ITPR2: variants seen among roughly 807,000 people sequenced by gnomAD.
ITPR2 encodes inositol 1,4,5-trisphosphate-gated calcium channel ITPR2.
A neutral mutation model predicts 317.1 loss-of-function variants in ITPR2; 207 were observed. The observed-to-expected ratio is 0.65, with a 90% confidence interval of 0.58 to 0.73. The LOEUF (loss-of-function observed/expected upper bound fraction) is 0.73, where lower values mean the gene tolerates loss of function less well. Ranked by LOEUF, ITPR2 falls within the 30% of genes least tolerant of loss-of-function variation. The pLI is 0.00. For missense variants in ITPR2, 2,613 were observed against 3,284.0 expected (o/e 0.80, Z 4.99); for synonymous variants, 1,156 against 1,149.1 (o/e 1.01, Z -0.12).
At position 26,655,866 on chromosome 12, in the gene ITPR2, A is replaced by AAGAAG. The variant is rs1565669635; in HGVS notation, c.2445-19_2445-15dup. The AAGAAG allele has an allele frequency of 1.9e-6, 3 of 1,601,474 alleles. No homozygotes were observed. Among genetic ancestry groups the AAGAAG allele is most frequent in the Non-Finnish European group, 2.6e-6 (3 of 1,174,590 alleles). On this transcript the variant is annotated splice_polypyrimidine_tract_variant and intron_variant, in intron 19 of 56. Transcript: ENST00000381340. The stretch of plus-strand genomic sequence containing the variant: ...ATAGAATCATATCTGGAAATAGAGA[A>AAGAAG]AGAAGATAACGCAAGTTAAACTGAT...
intron 2 of ITPR2, among the ~76,000 whole-genome samples, chr12:26,781,992 G>GTATATATATATATA (rs1161714052): frequency 2.6e-4 from 15 of 56,996 alleles, no homozygotes; most frequent in Non-Finnish European, 4.2e-4. Context: ...AAACTCCCCT[G>GTATATATATATATA]TATATATATA....
rs531851413 is a variant in ITPR2 at position 26,474,352 on chromosome 12, C to A, written c.6342+944G>T. On this transcript the variant is annotated intron_variant, in intron 45 of 56. Coordinates refer to ENST00000381340, the MANE Select transcript of ITPR2 (RefSeq NM_002223.4). Reference sequence around the variant, plus strand: ...GCTATCATAGACAAAATCAAATTGGCAAATGCACATTTAAAATGTTTAACT... The same window carrying A: ...GCTATCATAGACAAAATCAAATTGGAAAATGCACATTTAAAATGTTTAACT... 4.1e-4 allele frequency among the ~76,000 whole-genome samples: 63 copies of A among 152,282 alleles called. No individual in the cohort carries two copies. In the South Asian group the frequency reaches 4.8e-3, roughly 12 times the overall value.
rs775756580 is a variant in ITPR2 at position 26,424,586 on chromosome 12, G to GTTTTTT, written c.6945+3321_6945+3326dup. Among the ~76,000 whole-genome samples, 90 of 88,702 alleles carry GTTTTTT rather than the reference G, an allele frequency of 1.0e-3. 5 individuals carry two copies. The highest frequency in any genetic ancestry group is 1.7e-3 in the East Asian group (5 of 2,922). 58.2% of individuals were successfully genotyped at this position (88,702 alleles called of 152,430 possible). The stretch of plus-strand genomic sequence containing the variant: ...TTTTTGGTTTTTGTTTTCGTTTTGT[G>GTTTTTT]TTTTTTTTTTTTTTTTTTTTTGAGA... On this transcript the variant is annotated intron_variant, in intron 49 of 56. Transcript: ENST00000381340.
intron 37 of ITPR2, among the ~76,000 whole-genome samples, chr12:26,548,232 G>A (rs1765801824): frequency 6.6e-6 from 1 of 152,188 alleles, no homozygotes; most frequent in African/African-American, 2.4e-5. Flanking sequence ...GTGGCATTGA[G>A]GCTTGATTGG....
At chr12:26,830,016 G>A (rs11048698) in intron 1 of ITPR2, among the ~76,000 whole-genome samples, 24,390 of 152,172 alleles carry the variant, frequency 0.16, 2,307 homozygotes, top group East Asian at 0.22. Flanking sequence ...TGATTCTCCT[G>A]CCTCAGCCTC....
rs7956344 is a variant in ITPR2, at chr12:26,390,619, A to T, written c.7697-3025T>A. ...AGGGATCAGATGATGGCTAAAGGGT[A>T]TGGGGTTTCTTTCTGGGACAATGAA... On this transcript the variant is annotated intron_variant, in intron 54 of 56. Coordinates refer to ENST00000381340, the MANE Select transcript of ITPR2 (RefSeq NM_002223.4). Among the ~76,000 whole-genome samples, 1,061 of 152,284 alleles carry T rather than the reference A, an allele frequency of 7.0e-3. 6 individuals carry two copies. Among genetic ancestry groups the T allele is most frequent in the Non-Finnish European group, 0.011 (754 of 67,998 alleles).
chr12:26,535,780 T>C (rs1404758418), intron 37 of ITPR2, among the ~76,000 whole-genome samples: 1 of 152,234 alleles, frequency 6.6e-6, no homozygotes, highest in Non-Finnish European at 1.5e-5. Flanking sequence ...ATAAGAATTT[T>C]TCATAAGAAA....
At position 26,659,094 on chromosome 12, in the gene ITPR2, C is replaced by A; in HGVS notation, c.1886+19G>T. On this transcript the variant is annotated intron_variant, in intron 16 of 56. Coordinates refer to ENST00000381340, the MANE Select transcript of ITPR2 (RefSeq NM_002223.4). ...CGCAATCTCCACTAGAAAAGAATACCGCATGAATCATTTCAAACCTTGGCT... is the reference window on the plus strand; with the variant it reads ...CGCAATCTCCACTAGAAAAGAATACAGCATGAATCATTTCAAACCTTGGCT... 3 of 1,586,164 alleles carry A rather than the reference C, an allele frequency of 1.9e-6. No homozygotes were observed. The highest frequency in any genetic ancestry group is 1.1e-5 in the South Asian group (1 of 88,028).
chr12:26,353,265 T>C (rs1435398285), intron 55 of ITPR2, among the ~76,000 whole-genome samples: 1 of 152,246 alleles, frequency 6.6e-6, no homozygotes, highest in East Asian at 1.9e-4. Flanking sequence ...CAAGTGTATT[T>C]TGGTGATCAA....
chr12:26,438,787 T>C (rs192058800), intron 47 of ITPR2, among the ~76,000 whole-genome samples: 106 of 152,302 alleles, frequency 7.0e-4, no homozygotes, highest in African/African-American at 2.3e-3. Context: ...TCCTATTCAC[T>C]GATAGGCCAG....
At chr12:26,464,311 G>C (rs965346973) in intron 45 of ITPR2, among the ~76,000 whole-genome samples, 1 of 152,190 alleles carries the variant, frequency 6.6e-6, no homozygotes, top group African/African-American at 2.4e-5. Context: ...GGTCCCATCT[G>C]GGGGTGAACA....
intron 13 of ITPR2, among the ~76,000 whole-genome samples, chr12:26,668,213 T>C (rs1947670644): frequency 6.6e-6 from 1 of 152,218 alleles, no homozygotes; most frequent in South Asian, 2.1e-4. Flanking sequence ...ATTTCAACTC[T>C]TGCAAGGTAA....
rs570377852 is a variant in ITPR2 at position 26,599,433 on chromosome 12, A to G, written c.3802-88T>C. Reference sequence around the variant, plus strand: ...TAGACTAATTGCCCTGCTTGTGATCAGTTTTATATTTTATACGAAGCCACA... The same window carrying G: ...TAGACTAATTGCCCTGCTTGTGATCGGTTTTATATTTTATACGAAGCCACA... On this transcript the variant is annotated intron_variant, in intron 29 of 56. Coordinates refer to ENST00000381340, the MANE Select transcript of ITPR2 (RefSeq NM_002223.4). 10 of 1,177,226 alleles carry G rather than the reference A, an allele frequency of 8.5e-6. 1 individual carries two copies. In the African/African-American group the frequency reaches 9.1e-5, roughly 11 times the overall value. 72.9% of individuals were successfully genotyped at this position (1,177,226 alleles called of 1,614,324 possible). A position where few individuals can be genotyped will look rare whatever the true frequency, so the allele number is the denominator to read the frequency against.
intron 2 of ITPR2, among the ~76,000 whole-genome samples, chr12:26,775,935 T>C (rs535643950): frequency 1.4e-5 from 2 of 144,076 alleles, no homozygotes; most frequent in East Asian, 4.0e-4. Context: ...CCCCTTTACA[T>C]ATATATATAT....
intron 1 of ITPR2, among the ~76,000 whole-genome samples, chr12:26,826,083 T>C (rs1951005165): frequency 1.3e-5 from 2 of 152,158 alleles, no homozygotes; most frequent in African/African-American, 4.8e-5. Context: ...CCAAGCTTCA[T>C]GTACAAACTC....
At chr12:26,655,151 TA>T (rs903021982) in intron 20 of ITPR2, among the ~76,000 whole-genome samples, 4 of 151,918 alleles carry the variant, frequency 2.6e-5, no homozygotes, top group African/African-American at 9.7e-5. Context: ...TCCATAGAGA[TA>T]AAAAAAAGTA....
intron 21 of ITPR2, among the ~76,000 whole-genome samples, chr12:26,650,946 C>T (rs970662477): frequency 1.3e-5 from 2 of 152,178 alleles, no homozygotes; most frequent in African/African-American, 4.8e-5. Context: ...GTTCAATTTA[C>T]ATTAAAGATG....
At position 26,658,021 on chromosome 12, in the gene ITPR2, T is replaced by C. The variant is rs374243571; in HGVS notation, c.1996A>G (p.Ile666Val). 6.2e-7 allele frequency: 1 copy of C among 1,610,660 alleles called. No homozygotes were observed. The change falls in exon 17 of 57, where the codon ATT (isoleucine) becomes GTT (valine). Residue 666 changes from isoleucine (I) to valine (V), a missense_variant. Ile to Val is a conservative substitution (Grantham distance 29, BLOSUM62 3). Transcript: ENST00000381340. ...MLSPGNADIL[I>V]QTKVVSMQAD... ...ATTATCTGGGCTTACTTAGTTTGAA[T>C]GAGAATGTCTGCATTGCCTGGACTC...
At chr12:26,823,500 T>C (rs1164493146) in intron 1 of ITPR2, among the ~76,000 whole-genome samples, 1 of 152,216 alleles carries the variant, frequency 6.6e-6, no homozygotes, top group Non-Finnish European at 1.5e-5. Context: ...TAAAAACAGC[T>C]TAATATCTGG....
Sources: allele counts gnomAD v4.1 joint callset (sites outside exome capture counted in the v4.1 genomes callset), GRCh38; gene constraint gnomAD v4.1.1; transcripts MANE v1.5; gene names NCBI Gene and HGNC (gene_info 2026-07-23, HGNC 2026-07-21).